The following ADGRL4 variants were observed in gnomAD, a reference collection of about 807,000 sequenced individuals.
ADGRL4 encodes adhesion G protein-coupled receptor L4.
ADGRL4 carries 90 observed loss-of-function variants against 74.8 expected under a neutral mutation model. The ratio of observed to expected loss-of-function variants is 1.20; its 90% CI spans 1.02 to 1.43. The LOEUF (loss-of-function observed/expected upper bound fraction) is 1.43. Ranked by LOEUF, ADGRL4 falls within the 40% of genes most tolerant of loss-of-function variation. ADGRL4 has a pLI of 0.00. For missense variants in ADGRL4, 881 were observed against 814.3 expected, an observed-to-expected ratio of 1.08 and a Z score of -1.00; for synonymous variants, 311 against 279.2, an observed-to-expected ratio of 1.11 and a Z score of -1.14.
At chr1:78,929,927 T>C (rs917272257) in intron 7 of ADGRL4, among the ~76,000 whole-genome samples, 1 of 151,536 alleles carries the variant, frequency 6.6e-6, no homozygotes, top group Non-Finnish European at 1.5e-5. Context: ...CCAAATTGTC[T>C]TTGAAATTTC....
intron 8 of ADGRL4, among the ~76,000 whole-genome samples, chr1:78,924,560 A>T (rs1317068735): frequency 1.3e-5 from 2 of 152,058 alleles, no homozygotes; most frequent in Non-Finnish European, 2.9e-5. Context: ...AAGGCTACAG[A>T]GCCTTGGAAA....
intron 2 of ADGRL4, among the ~76,000 whole-genome samples, chr1:79,002,581 G>T (rs1650866454): frequency 6.6e-6 from 1 of 152,074 alleles, no homozygotes; most frequent in African/African-American, 2.4e-5. Flanking sequence ...GATAAATTAT[G>T]TCTATTAGGA....
rs1294959282 is a variant in ADGRL4 at position 78,891,545 on chromosome 1, G to A, written c.1989C>T (p.Phe663=). Residue 663 remains phenylalanine (F), a synonymous_variant, in exon 14 of 15, where the codon TTC becomes TTT. Coordinates refer to ENST00000370742, the MANE Select transcript of ADGRL4 (RefSeq NM_022159.4). The part of the protein sequence containing the change: ...NAFQGMFIFL[F]LCVLSRKIQE... ...TTACCTTTCTAGATAAAACACACAG[G>A]AATAAAAAAATGAACATCCCCTGGA... is the stretch of plus-strand genomic sequence containing the variant. 1 of 1,612,908 alleles carries A rather than the reference G, an allele frequency of 6.2e-7. No homozygotes were observed.
intron 3 of ADGRL4, among the ~76,000 whole-genome samples, chr1:78,942,671 G>A (rs1192938672): frequency 6.6e-6 from 1 of 152,068 alleles, no homozygotes; most frequent in Non-Finnish European, 1.5e-5. Context: ...GCTCACACCT[G>A]TAATCCCAGC....
At chr1:79,001,153 C>T (rs1326651295) in intron 2 of ADGRL4, among the ~76,000 whole-genome samples, 3 of 92,466 alleles carry the variant, frequency 3.2e-5, no homozygotes, top group African/African-American at 9.7e-5. Context: ...GGAAGGAAGA[C>T]AGAAGGAAGG....
intron 3 of ADGRL4, among the ~76,000 whole-genome samples, chr1:78,941,542 T>C (rs1374653692): frequency 5.3e-5 from 8 of 151,162 alleles, no homozygotes; most frequent in Admixed American, 5.3e-4. Context: ...GGTGGTTTTT[T>C]CTCTCAATTT....
At chr1:79,001,504 C>T (rs1009343803) in intron 2 of ADGRL4, among the ~76,000 whole-genome samples, 5 of 152,072 alleles carry the variant, frequency 3.3e-5, no homozygotes, top group Admixed American at 3.3e-4. Context: ...GGACCTGAAG[C>T]AGTTAGTTTT....
At chr1:78,921,274 G>T (rs1380523095) in intron 9 of ADGRL4, among the ~76,000 whole-genome samples, 1 of 150,938 alleles carries the variant, frequency 6.6e-6, no homozygotes, top group Non-Finnish European at 1.5e-5. Flanking sequence ...AAAATAAACT[G>T]TCATCACAAA....
intron 2 of ADGRL4, among the ~76,000 whole-genome samples, chr1:78,964,325 C>A (rs1650013364): frequency 6.6e-6 from 1 of 152,106 alleles, no homozygotes; most frequent in Non-Finnish European, 1.5e-5. Flanking sequence ...TGTTTAATAA[C>A]AGCCTTTTAT....
intron 12 of ADGRL4, among the ~76,000 whole-genome samples, chr1:78,903,113 C>A (rs1038910783): frequency 1.3e-5 from 2 of 152,076 alleles, no homozygotes; most frequent in Non-Finnish European, 2.9e-5. Context: ...TCACTTTTTC[C>A]ATGCTCTATG....
At chr1:78,941,551 T>A (rs1397337851) in intron 3 of ADGRL4, among the ~76,000 whole-genome samples, 2 of 149,916 alleles carry the variant, frequency 1.3e-5, no homozygotes, top group African/African-American at 4.9e-5. Context: ...TTCTCTCAAT[T>A]TCAATCCCCC....
At chr1:78,969,838 A>G (rs979964609) in intron 2 of ADGRL4, among the ~76,000 whole-genome samples, 4 of 152,100 alleles carry the variant, frequency 2.6e-5, no homozygotes, top group African/African-American at 9.7e-5. Context: ...TGTTCCTGTG[A>G]ACCAACCATC....
Position 78,939,242 on chromosome 1 carries a change from G to A in ADGRL4, c.342C>T (p.Asn114=). 6.4e-7 allele frequency: 1 copy of A among 1,562,534 alleles called. No individual in the cohort carries two copies. The highest frequency in any genetic ancestry group is 8.6e-7 in the Non-Finnish European group (1 of 1,156,604). Reference sequence around the variant, plus strand: ...CTATACAGACATTATCTAAATGGCAGTTTGCATTCACATTTTCTGTAAAAA... The same window carrying A: ...CTATACAGACATTATCTAAATGGCAATTTGCATTCACATTTTCTGTAAAAA... ...GTVCIENVNA[N]CHLDNVCIAA... Residue 114 remains asparagine, a synonymous_variant, in exon 4 of 15, where the codon AAC becomes AAT. Transcript: ENST00000370742.
Position 78,891,696 on chromosome 1 carries a change from T to G in ADGRL4, c.1842-4A>C. On this transcript the variant is annotated splice_polypyrimidine_tract_variant and splice_region_variant and intron_variant, in intron 13 of 14. Transcript: ENST00000370742. ...GAGGGCTCCTCTTGCACAAGACCTA[T>G]CACATATGAGAAATGCGTCAGTGAA... 2 of 1,605,220 alleles carry G rather than the reference T, an allele frequency of 1.2e-6. No individual in the cohort carries two copies. Among genetic ancestry groups the G allele is most frequent in the Non-Finnish European group, 1.7e-6 (2 of 1,177,186 alleles).
At chr1:78,936,664 G>T (rs1359682486) in intron 6 of ADGRL4, among the ~76,000 whole-genome samples, 3 of 152,050 alleles carry the variant, frequency 2.0e-5, no homozygotes, top group African/African-American at 7.2e-5. Flanking sequence ...TATAATATGT[G>T]TATGTAACCA....
chr1:78,925,441 T>A (rs1649091548), intron 8 of ADGRL4, among the ~76,000 whole-genome samples: 1 of 152,100 alleles, frequency 6.6e-6, no homozygotes, highest in African/African-American at 2.4e-5. Context: ...AATACTACTA[T>A]AATTACTGTT....
intron 3 of ADGRL4, among the ~76,000 whole-genome samples, chr1:78,941,483 A>AT (rs1470249903): frequency 6.6e-6 from 1 of 152,224 alleles, no homozygotes; most frequent in Non-Finnish European, 1.5e-5. Context: ...TGTTCTTTGA[A>AT]TACCCTTGTT....
intron 1 of ADGRL4, among the ~76,000 whole-genome samples, chr1:79,005,730 T>C (rs1480914567): frequency 2.0e-5 from 3 of 152,364 alleles, no homozygotes; most frequent in African/African-American, 7.2e-5. Context: ...TTTTCTGTGT[T>C]CTAATGATTG....
intron 2 of ADGRL4, among the ~76,000 whole-genome samples, chr1:78,993,628 G>A (rs1257492580): frequency 6.6e-6 from 1 of 151,510 alleles, no homozygotes; most frequent in Non-Finnish European, 1.5e-5. Context: ...GAGTGCAGTG[G>A]CAGGATCTCG....
Sources: allele counts gnomAD v4.1 joint callset (sites outside exome capture counted in the v4.1 genomes callset), GRCh38; gene constraint gnomAD v4.1.1; transcripts MANE v1.5; gene names NCBI Gene and HGNC (gene_info 2026-07-23, HGNC 2026-07-21).